Variants in OPRK1 observed in about 807,000 individuals in gnomAD.
OPRK1 encodes the protein opioid receptor kappa 1.
Under a neutral mutation model 24.5 loss-of-function variants are expected in OPRK1, and 15 were observed. The ratio of observed to expected loss-of-function variants is 0.61; its 90% CI spans 0.41 to 0.94. OPRK1 has a LOEUF of 0.94. Among genes scored for constraint, OPRK1 ranks in the 40% least tolerant of loss-of-function variants. The pLI, the probability that OPRK1 is intolerant of heterozygous loss-of-function variation, is 0.00. For synonymous variants in OPRK1, 205 were observed against 198.0 expected, an observed-to-expected ratio of 1.04 and a Z score of -0.30; for missense variants, 479 against 507.3, an observed-to-expected ratio of 0.94 and a Z score of 0.54.
intron 3 of OPRK1, among the ~76,000 whole-genome samples, chr8:53,231,039 T>C (rs1274017971): frequency 6.6e-6 from 1 of 152,178 alleles, no homozygotes; most frequent in Non-Finnish European, 1.5e-5. Flanking sequence ...ATATAAACAT[T>C]TTTGACAATT....
chr8:53,237,928 C>T (rs1807031225), intron 2 of OPRK1, among the ~76,000 whole-genome samples: 1 of 152,114 alleles, frequency 6.6e-6, no homozygotes, highest in Non-Finnish European at 1.5e-5. Flanking sequence ...CAAGGCAGGG[C>T]CCCCTTCCAG....
At chr8:53,233,479 C>T (rs1322418128) in intron 3 of OPRK1, among the ~76,000 whole-genome samples, 1 of 152,296 alleles carries the variant, frequency 6.6e-6, no homozygotes, top group Admixed American at 6.5e-5. Flanking sequence ...TAGTGCCTTG[C>T]CCTTTCACTA....
intron 2 of OPRK1, among the ~76,000 whole-genome samples, chr8:53,236,197 G>T (rs762265475): frequency 5.3e-5 from 8 of 152,200 alleles, no homozygotes; most frequent in Non-Finnish European, 1.2e-4. Context: ...CCTCTTGGAG[G>T]CAGTGTGGTC....
At chr8:53,231,679 T>G (rs796408414) in intron 3 of OPRK1, among the ~76,000 whole-genome samples, 11 of 152,212 alleles carry the variant, frequency 7.2e-5, no homozygotes, top group Non-Finnish European at 1.5e-4. Flanking sequence ...ACTGAATCCC[T>G]GGCACCTAGG....
In OPRK1 at chr8:53,250,102, A is replaced by ACACACACAC. The variant is rs370445740; in HGVS notation, c.257+678_257+679insGTGTGTGTG. 4.1e-3 allele frequency among the ~76,000 whole-genome samples: 600 copies of ACACACACAC among 144,742 alleles called. 7 individuals are homozygous for ACACACACAC. The highest frequency in any genetic ancestry group is 0.024 in the East Asian group (122 of 5,050). The allele number at this position is 144,742 out of a possible 152,430, so 95.0% of individuals were successfully genotyped here. A position where few individuals can be genotyped will look rare whatever the true frequency, so the allele number is the denominator to read the frequency against. On this transcript the variant is annotated intron_variant, in intron 2 of 3. Transcript: ENST00000265572. ...ACACACACACACACACACACACACA[A>ACACACACAC]ATAAAACCTTCAATTTCTCATGGTG...
At chr8:53,247,564 A>G (rs967871617) in intron 2 of OPRK1, among the ~76,000 whole-genome samples, 5 of 152,056 alleles carry the variant, frequency 3.3e-5, no homozygotes. Flanking sequence ...GGCAGAATGG[A>G]TGTTTGTGAT....
In OPRK1 at chr8:53,229,004, C is replaced by A; in HGVS notation, c.*293G>T. 3.5e-6 allele frequency: 1 copy of A among 289,412 alleles called. No individual in the cohort carries two copies. Among genetic ancestry groups the A allele is most frequent in the South Asian group, 6.8e-5 (1 of 14,620 alleles). 17.9% of individuals were successfully genotyped at this position (289,412 alleles called of 1,614,324 possible). On this transcript the variant is annotated 3_prime_UTR_variant, in exon 4 of 4. Transcript: ENST00000265572. Reference sequence around the variant, plus strand: ...CACAGCAGATGGGTGCTGAACCTTACCTAGCAAACCAGAAGGAAAAGACCT... The same window carrying A: ...CACAGCAGATGGGTGCTGAACCTTAACTAGCAAACCAGAAGGAAAAGACCT...
chr8:53,238,199 T>G (rs1293890704), intron 2 of OPRK1, among the ~76,000 whole-genome samples: 1 of 152,162 alleles, frequency 6.6e-6, no homozygotes, highest in Non-Finnish European at 1.5e-5. Flanking sequence ...TGTCCACCAC[T>G]GAAAAAACAA....
rs769052621 is a variant in OPRK1, at chr8:53,229,692, T to C, written c.748A>G (p.Ile250Val). ...AGCCGGACGCTCTTGAGACGCAGGA[T>C]CATCAGGGTGTAGCAGACGATGATG... ...LIIIVCYTLM[I>V]LRLKSVRLLS... Residue 250 changes from isoleucine to valine, a missense_variant, in exon 4 of 4, where the codon ATC becomes GTC. Transcript: ENST00000265572. 1 of 1,613,994 alleles carries C rather than the reference T, an allele frequency of 6.2e-7. No homozygotes were observed. Among genetic ancestry groups the C allele is most frequent in the South Asian group, 1.1e-5 (1 of 91,056 alleles).
In OPRK1 at chr8:53,226,330, T is replaced by A. The variant is rs949072476; in HGVS notation, c.*2967A>T. 1 of 152,194 alleles carries A rather than the reference T, an allele frequency of 6.6e-6. No individual in the cohort carries two copies. Among genetic ancestry groups the A allele is most frequent in the African/African-American group, 2.4e-5 (1 of 41,446 alleles). The allele number at this position is 152,194 out of a possible 1,614,324, so 9.4% of individuals were successfully genotyped here. ...AAGAGTGTTTCCACTCTCCTCCCAG[T>A]TAGAGTGGGGGGTTTCCTCCTCAGT... On this transcript the variant is annotated 3_prime_UTR_variant, in exon 4 of 4. Transcript: ENST00000265572.
rs1806784836 is a variant in OPRK1 at position 53,229,055 on chromosome 8, A to G, written c.*242T>C. 1 of 439,708 alleles carries G rather than the reference A, an allele frequency of 2.3e-6. No homozygotes were observed. Among genetic ancestry groups the G allele is most frequent in the African/African-American group, 2.0e-5 (1 of 50,842 alleles). 27.2% of individuals were successfully genotyped at this position (439,708 alleles called of 1,614,324 possible). On this transcript the variant is annotated 3_prime_UTR_variant, in exon 4 of 4. Coordinates refer to ENST00000265572, the MANE Select transcript of OPRK1 (RefSeq NM_000912.5). Reference sequence around the variant, plus strand: ...GTTCCCTTGTTCATCAGAGGAACTGAGGCTCTGCCTCGCTTCTGTGCCCTA... The same window carrying G: ...GTTCCCTTGTTCATCAGAGGAACTGGGGCTCTGCCTCGCTTCTGTGCCCTA...
intron 2 of OPRK1, among the ~76,000 whole-genome samples, chr8:53,240,332 G>T (rs929851241): frequency 1.3e-5 from 2 of 152,170 alleles, no homozygotes; most frequent in African/African-American, 4.8e-5. Context: ...TTTCTAAATA[G>T]ATTCCTTTAA....
At position 53,227,221 on chromosome 8, in the gene OPRK1, G is replaced by T. The variant is rs1306738747; in HGVS notation, c.*2076C>A. 1 of 141,946 alleles carries T rather than the reference G, an allele frequency of 7.0e-6. No homozygotes were observed. The highest frequency in any genetic ancestry group is 2.6e-5 in the African/African-American group (1 of 37,858). The allele number at this position is 141,946 out of a possible 1,614,324, so 8.8% of individuals were successfully genotyped here. ...TGCAGTGAGCCAAGACTGTGCTACC[G>T]CACTCCAGCCTGGGCAACAGAGCGA... On this transcript the variant is annotated 3_prime_UTR_variant, in exon 4 of 4. Transcript: ENST00000265572.
At chr8:53,243,725 T>C (rs528640767) in intron 2 of OPRK1, among the ~76,000 whole-genome samples, 33 of 152,338 alleles carry the variant, frequency 2.2e-4, no homozygotes, top group African/African-American at 7.5e-4. Flanking sequence ...GATAGTCTCT[T>C]GAAAATAATT....
chr8:53,238,360 G>A (rs1253103171), intron 2 of OPRK1, among the ~76,000 whole-genome samples: 3 of 152,218 alleles, frequency 2.0e-5, no homozygotes, highest in Non-Finnish European at 2.9e-5. Context: ...CTGGCAGCTC[G>A]TGGCTGCACT....
In OPRK1 at chr8:53,250,806, A is replaced by T. The variant is rs897685496; in HGVS notation, c.232T>A (p.Ser78Thr). Reference sequence around the variant, plus strand: ...CGGATGATCACGAACATGACCAGCGAGTTGCCCACCAAGCCCACGACGAAC... The same window carrying T: ...CGGATGATCACGAACATGACCAGCGTGTTGCCCACCAAGCCCACGACGAAC... ...VVFVVGLVGN[S>T]LVMFVIIRYT... Residue 78 changes from serine to threonine, a missense_variant, in exon 2 of 4, where the codon TCG becomes ACG. Transcript: ENST00000265572. 1.2e-5 allele frequency: 20 copies of T among 1,610,024 alleles called. No individual in the cohort carries two copies. Among genetic ancestry groups the T allele is most frequent in the Middle Eastern group, 1.7e-4 (1 of 6,038 alleles).
In OPRK1 at chr8:53,228,093, C is replaced by T. The variant is rs200256205; in HGVS notation, c.*1204G>A. 3.3e-5 allele frequency: 5 copies of T among 152,164 alleles called. No individual in the cohort carries two copies. The highest frequency in any genetic ancestry group is 1.2e-4 in the African/African-American group (5 of 41,440). The allele number at this position is 152,164 out of a possible 1,614,324, so 9.4% of individuals were successfully genotyped here. A position where few individuals can be genotyped will look rare whatever the true frequency, so the allele number is the denominator to read the frequency against. On this transcript the variant is annotated 3_prime_UTR_variant, in exon 4 of 4. Coordinates refer to ENST00000265572, the MANE Select transcript of OPRK1 (RefSeq NM_000912.5). Reference sequence around the variant, plus strand: ...CACAGAATGCCATGCAGGATGTGTCCTGGCACCAGGAGGGACATCATGTCC... The same window carrying T: ...CACAGAATGCCATGCAGGATGTGTCTTGGCACCAGGAGGGACATCATGTCC...
rs765240164 is a variant in OPRK1, at chr8:53,226,337, G to T, written c.*2960C>A. ...TTTCCACTCTCCTCCCAGTTAGAGT[G>T]GGGGGTTTCCTCCTCAGTGCTGCCC... On this transcript the variant is annotated 3_prime_UTR_variant, in exon 4 of 4. Transcript: ENST00000265572. 2 of 152,192 alleles carry T rather than the reference G, an allele frequency of 1.3e-5. No homozygotes were observed. Among genetic ancestry groups the T allele is most frequent in the Non-Finnish European group, 2.9e-5 (2 of 68,048 alleles). The allele number at this position is 152,192 out of a possible 1,614,324, so 9.4% of individuals were successfully genotyped here.
At chr8:53,229,944 T>C in intron 3 of OPRK1, 115 bp from the exon 4 acceptor site, 1 of 940,964 alleles carries the variant, frequency 1.1e-6, no homozygotes, top group South Asian at 2.0e-5. Flanking sequence ...CCAATTATGG[T>C]AAGATGACAT....
Sources: allele counts gnomAD v4.1 joint callset (sites outside exome capture counted in the v4.1 genomes callset), GRCh38; gene constraint gnomAD v4.1.1; transcripts MANE v1.5; gene names NCBI Gene and HGNC (gene_info 2026-07-23, HGNC 2026-07-21).